The following ZNG1A variants were observed in gnomAD, a reference collection of about 807,000 sequenced individuals.
ZNG1A encodes Zn regulated GTPase metalloprotein activator 1A.
At chr9:142,129 T>C in the ZNG1A span, among the ~76,000 whole-genome samples, 2 of 148,472 alleles carry the variant, frequency 1.3e-5, no homozygotes, top group Admixed American at 6.7e-5. Flanking sequence ...ATTAGACAGA[T>C]CAATGAGACA....
the ZNG1A span, among the ~76,000 whole-genome samples, chr9:176,976 G>C: frequency 5.8e-4 from 89 of 152,266 alleles, 1 homozygote; most frequent in Non-Finnish European, 9.7e-4. Flanking sequence ...TCAAGGGAAG[G>C]GGGGAATGGA....
chr9:149,643 A>G, the ZNG1A span, among the ~76,000 whole-genome samples: 10 of 149,618 alleles, frequency 6.7e-5, no homozygotes, highest in Non-Finnish European at 1.0e-4. Flanking sequence ...TTTCCCCCCA[A>G]TGACTGATCT....
At chr9:165,511 T>C in the ZNG1A span, among the ~76,000 whole-genome samples, 3 of 135,678 alleles carry the variant, frequency 2.2e-5, no homozygotes, top group Non-Finnish European at 4.6e-5. Flanking sequence ...TAAAGATGAA[T>C]GAACAAAATT....
At chr9:141,430 C>T in the ZNG1A span, among the ~76,000 whole-genome samples, 1 of 150,042 alleles carries the variant, frequency 6.7e-6, no homozygotes, top group South Asian at 2.2e-4. Context: ...AATTTCATAT[C>T]CAGCCAAACT....
chr9:165,431 T>G, the ZNG1A span, among the ~76,000 whole-genome samples: 1 of 142,462 alleles, frequency 7.0e-6, no homozygotes, highest in Non-Finnish European at 1.5e-5. Flanking sequence ...GTATTTATCT[T>G]TGATATAATA....
chr9:147,261 G>T, the ZNG1A span: 1 of 134,464 alleles, frequency 7.4e-6, no homozygotes, highest in Admixed American at 7.3e-5. Context: ...TAAAGAAAAT[G>T]ACAAATGTAT....
chr9:140,522 T>C, the ZNG1A span, among the ~76,000 whole-genome samples: 9 of 151,508 alleles, frequency 5.9e-5, no homozygotes, highest in African/African-American at 1.5e-4. Flanking sequence ...TACATCACCA[T>C]CATCAAAGAC....
the ZNG1A span, among the ~76,000 whole-genome samples, chr9:130,876 T>C: frequency 8.9e-6 from 1 of 112,002 alleles, no homozygotes; most frequent in Non-Finnish European, 1.8e-5. Context: ...AAGGATGATC[T>C]ATATTTTGGA....
chr9:132,010 CCCGTCAAAAAAAATCCTA>C, the ZNG1A span, among the ~76,000 whole-genome samples: 2 of 90,782 alleles, frequency 2.2e-5, no homozygotes, highest in African/African-American at 3.8e-5. Context: ...CTTACTTCTT[CCCGTCAAAAAAAATCCTA>C]CCGTCAAAAA....
At chr9:176,266 A>C in the ZNG1A span, among the ~76,000 whole-genome samples, 4 of 140,356 alleles carry the variant, frequency 2.8e-5, no homozygotes, top group Non-Finnish European at 4.6e-5. Flanking sequence ...TGGCATATAA[A>C]ACCCAATATG....
At chr9:121,424 T>C in the ZNG1A span, 2 of 1,417,404 alleles carry the variant, frequency 1.4e-6, no homozygotes, top group Non-Finnish European at 2.0e-6. Flanking sequence ...AGTAGAAACT[T>C]ATTTTTATTA....
At chr9:143,431 C>A in the ZNG1A span, among the ~76,000 whole-genome samples, 2 of 124,484 alleles carry the variant, frequency 1.6e-5, no homozygotes, top group Non-Finnish European at 1.6e-5. Flanking sequence ...TAAACAGAAC[C>A]AAAGACAAAA....
At chr9:124,879 A>G in the ZNG1A span, among the ~76,000 whole-genome samples, 1 of 150,656 alleles carries the variant, frequency 6.6e-6, no homozygotes, top group South Asian at 2.1e-4. Flanking sequence ...TGCGAATGCC[A>G]TTAATTCACT....
chr9:121,346 A>G, the ZNG1A span: 2 of 758,896 alleles, frequency 2.6e-6, no homozygotes, highest in Non-Finnish European at 4.4e-6. Context: ...ATGCTGTAAA[A>G]CAAATACCAT....
chr9:135,688 G>C, the ZNG1A span, among the ~76,000 whole-genome samples: 1 of 106,620 alleles, frequency 9.4e-6, no homozygotes, highest in Non-Finnish European at 1.7e-5. Flanking sequence ...ACGGGAGGGG[G>C]AAAGGACTGA....
chr9:133,869 A>T, the ZNG1A span, among the ~76,000 whole-genome samples: 4 of 151,716 alleles, frequency 2.6e-5, no homozygotes, highest in African/African-American at 9.7e-5. Context: ...AAGCATTTCA[A>T]GCAAACTGCA....
At chr9:154,873 T>C in the ZNG1A span, 4 of 1,357,046 alleles carry the variant, frequency 2.9e-6, no homozygotes, top group South Asian at 2.5e-5. Context: ...AAAAGAGGAA[T>C]GTTAACAAAT....
the ZNG1A span, among the ~76,000 whole-genome samples, chr9:162,795 A>G: frequency 1.3e-5 from 2 of 150,890 alleles, no homozygotes; most frequent in African/African-American, 2.4e-5. Flanking sequence ...GTCAAATTTC[A>G]TAACATAGTC....
At chr9:177,768 T>C in the ZNG1A span, 424 of 1,538,834 alleles carry the variant, frequency 2.8e-4, 1 homozygote, top group African/African-American at 4.9e-3. Context: ...TTGAAATACA[T>C]TGTTTTGGAC....
Sources: allele counts gnomAD v4.1 joint callset (sites outside exome capture counted in the v4.1 genomes callset), GRCh38; gene constraint gnomAD v4.1.1; transcripts MANE v1.5; gene names NCBI Gene and HGNC (gene_info 2026-07-23, HGNC 2026-07-21).